Variants in DCC observed in about 807,000 individuals in gnomAD.
The protein encoded by DCC is netrin receptor DCC.
Under a neutral mutation model 172.5 loss-of-function variants are expected in DCC, and 58 were observed. The observed-to-expected ratio is 0.34, with a 90% confidence interval of 0.27 to 0.42. DCC has a LOEUF of 0.42. DCC is among the 10% of genes least tolerant of loss of function. The pLI is 1.00. For synonymous variants in DCC, 709 were observed against 644.5 expected (o/e 1.10, Z -1.52); for missense variants, 1,740 against 1,791.0 (o/e 0.97, Z 0.51).
chr18:52,436,967 T>C (rs1400832899), intron 1 of DCC, among the ~76,000 whole-genome samples: 3 of 152,116 alleles, frequency 2.0e-5, no homozygotes, highest in African/African-American at 7.2e-5. Context: ...GAGATAATTA[T>C]TAAATTTCCC....
chr18:52,373,258 C>T (rs1242155701), intron 1 of DCC, among the ~76,000 whole-genome samples: 1 of 151,948 alleles, frequency 6.6e-6, no homozygotes, highest in Non-Finnish European at 1.5e-5. Context: ...CAAATGTGAC[C>T]CTTAATCTAA....
chr18:53,217,610 G>A (rs1037847966), intron 12 of DCC, among the ~76,000 whole-genome samples: 2 of 152,044 alleles, frequency 1.3e-5, no homozygotes, highest in Admixed American at 6.6e-5. Flanking sequence ...AAAAGAAACT[G>A]GATGATCAAA....
At position 53,043,308 on chromosome 18, in the gene DCC, T is replaced by A. The variant is rs536283060; in HGVS notation, c.986-19997T>A. 3.1e-3 allele frequency among the ~76,000 whole-genome samples: 447 copies of A among 143,690 alleles called. 1 individual carries two copies. Among genetic ancestry groups the A allele is most frequent in the African/African-American group, 0.011 (433 of 38,228 alleles). The allele number at this position is 143,690 out of a possible 152,430, so 94.3% of individuals were successfully genotyped here. ...GAGGGGAATATCACACAGTGGGGCC[T>A]GCTGGGGGTTGGGGGGCAAGGGGAG... On this transcript the variant is annotated intron_variant, in intron 5 of 28. Transcript: ENST00000442544.
chr18:53,066,162 G>T lies in DCC; in HGVS notation c.1257G>T (p.Lys419Asn). The part of the protein sequence containing the change: ...AQTSAQLIVP[K>N]PAIPSSSVLP... ...CCAGTGCACAGCTCATTGTCCCTAA[G>T]CCTGGTAAGACAATGGGAACCTTGC... Residue 419 changes from lysine to asparagine, a missense_variant, in exon 7 of 29, where the codon AAG (lysine) becomes AAT (asparagine). Lys to Asn is a moderately conservative substitution (Grantham distance 94). Around this residue, in one of 2 missense-constraint regions of DCC, gnomAD observed 1,732 missense variants for 1,767.4 expected, o/e 0.98. Coordinates refer to ENST00000442544, the MANE Select transcript of DCC (RefSeq NM_005215.4). 6.2e-7 allele frequency: 1 copy of T among 1,612,986 alleles called. No homozygotes were observed. The highest frequency in any genetic ancestry group is 8.5e-7 in the Non-Finnish European group (1 of 1,179,308).
intron 1 of DCC, among the ~76,000 whole-genome samples, chr18:52,556,575 G>A (rs919522207): frequency 6.6e-6 from 1 of 152,072 alleles, no homozygotes; most frequent in Admixed American, 6.6e-5. Flanking sequence ...CAGAACTCAT[G>A]ATTAGTGTCC....
At chr18:52,959,005 A>G (rs556681178) in intron 5 of DCC, among the ~76,000 whole-genome samples, 30 of 152,194 alleles carry the variant, frequency 2.0e-4, no homozygotes, top group African/African-American at 7.0e-4. Context: ...CTCATCAGCT[A>G]TCATTAGTGT....
At position 52,472,948 on chromosome 18, in the gene DCC, G is replaced by A. The variant is rs570256223; in HGVS notation, c.91+132070G>A. On this transcript the variant is annotated intron_variant, in intron 1 of 28. Coordinates refer to ENST00000442544, the MANE Select transcript of DCC (RefSeq NM_005215.4). Reference sequence around the variant, plus strand: ...AATTAAATTAAAGACCCTTAATTTCGTAGAGCCTTAAACCAAAGGAACAAA... The same window carrying A: ...AATTAAATTAAAGACCCTTAATTTCATAGAGCCTTAAACCAAAGGAACAAA... Among the ~76,000 whole-genome samples, 9 of 152,180 alleles carry A rather than the reference G, an allele frequency of 5.9e-5. No homozygotes were observed. In the East Asian group the frequency reaches 7.7e-4, roughly 13 times the overall value.
chr18:52,391,433 A>C (rs1986027215), intron 1 of DCC, among the ~76,000 whole-genome samples: 5 of 152,162 alleles, frequency 3.3e-5, no homozygotes, highest in Admixed American at 3.3e-4. Context: ...TGAAATATAT[A>C]GTTTAAACAG....
intron 12 of DCC, among the ~76,000 whole-genome samples, chr18:53,282,289 C>A (rs776752466): frequency 1.7e-4 from 26 of 152,138 alleles, no homozygotes; most frequent in Non-Finnish European, 3.1e-4. Context: ...GACTGCAAGA[C>A]TGTCCTGCTT....
chr18:53,351,445 A>C, intron 15 of DCC, among the ~76,000 whole-genome samples: 1 of 45,908 alleles, frequency 2.2e-5, no homozygotes, highest in African/African-American at 9.7e-5. Flanking sequence ...TATACAGTGT[A>C]TATATATATA....
intron 1 of DCC, among the ~76,000 whole-genome samples, chr18:52,396,895 AGG>A (rs1346762040): frequency 6.6e-6 from 1 of 152,000 alleles, no homozygotes; most frequent in Non-Finnish European, 1.5e-5. Context: ...CCTCTAAGAG[AGG>A]GCATATGTTT....
chr18:53,301,576 C>T (rs1391540478), intron 12 of DCC, among the ~76,000 whole-genome samples: 1 of 152,140 alleles, frequency 6.6e-6, no homozygotes, highest in Non-Finnish European at 1.5e-5. Context: ...CTCTTTCTTT[C>T]CCCTCCCCAA....
intron 2 of DCC, among the ~76,000 whole-genome samples, chr18:52,758,296 C>T (rs1232030931): frequency 6.6e-6 from 1 of 152,090 alleles, no homozygotes; most frequent in African/African-American, 2.4e-5. Context: ...AGTGGTTTTA[C>T]AATTCAGGCG....
chr18:53,190,739 G>C (rs1343611769), intron 9 of DCC, among the ~76,000 whole-genome samples: 1 of 152,136 alleles, frequency 6.6e-6, no homozygotes, highest in Non-Finnish European at 1.5e-5. Flanking sequence ...GAGGTCAGGA[G>C]ATGGAGACTA....
At chr18:52,572,078 G>A (rs982587695) in intron 1 of DCC, among the ~76,000 whole-genome samples, 4 of 152,166 alleles carry the variant, frequency 2.6e-5, no homozygotes, top group South Asian at 4.2e-4. Context: ...AACATTTTTA[G>A]CAGCATAAAA....
chr18:53,144,201 C>G (rs974685772), intron 7 of DCC, among the ~76,000 whole-genome samples: 3 of 152,134 alleles, frequency 2.0e-5, no homozygotes, highest in Non-Finnish European at 4.4e-5. Context: ...TTCCATCTCC[C>G]TATTATGTTT....
At chr18:52,342,458 TGGGGGTGGGG>T (rs1568124060) in intron 1 of DCC, among the ~76,000 whole-genome samples, 2 of 2,714 alleles carry the variant, frequency 7.4e-4, no homozygotes, top group African/African-American at 3.1e-3. Context: ...AAAAGGTGGG[TGGGGGTGGGG>T]GGGTGGGCAT....
intron 1 of DCC, among the ~76,000 whole-genome samples, chr18:52,518,458 A>T (rs888853601): frequency 1.3e-5 from 2 of 152,234 alleles, no homozygotes; most frequent in African/African-American, 2.4e-5. Flanking sequence ...AACGGATTAG[A>T]ATAGGATAAA....
intron 12 of DCC, among the ~76,000 whole-genome samples, chr18:53,289,892 A>T (rs1231908267): frequency 6.6e-6 from 1 of 152,192 alleles, no homozygotes; most frequent in South Asian, 2.1e-4. Flanking sequence ...AAATTTTCCT[A>T]AAAATTTTCT....
Sources: gnomAD v4.1 joint callset for allele counts (sites outside exome capture counted in the v4.1 genomes callset) on GRCh38, gnomAD v4.1.1 for gene constraint, gnomAD v4.1.1 regional missense constraint, MANE v1.5 for transcripts, NCBI Gene and HGNC (gene_info 2026-07-23, HGNC 2026-07-21) for gene names.